Variants in JMJD4 observed in about 807,000 individuals in gnomAD.
JMJD4 encodes the protein jumonji domain containing 4.
JMJD4 carries 34 observed loss-of-function variants against 36.3 expected under a neutral mutation model. The ratio of observed to expected loss-of-function variants is 0.94; its 90% CI spans 0.71 to 1.25. The LOEUF is 1.25. JMJD4 is among the 50% of genes most tolerant of loss of function. JMJD4 has a pLI of 0.00. For missense variants in JMJD4, 584 were observed against 559.1 expected (o/e 1.04, Z -0.45); for synonymous variants, 269 against 235.3 (o/e 1.14, Z -1.31).
rs775852161 is a variant in JMJD4 at position 227,735,207 on chromosome 1, C to T, written c.67G>A (p.Val23Ile). The T allele has an allele frequency of 1.3e-6, 2 of 1,584,436 alleles. No individual in the cohort carries two copies. The highest frequency in any genetic ancestry group is 1.1e-5 in the South Asian group (1 of 87,344). The change falls in exon 1 of 6, where the codon GTC becomes ATC. Residue 23 changes from valine (V) to isoleucine (I), a missense_variant. Coordinates refer to ENST00000620518, the MANE Select transcript of JMJD4 (RefSeq NM_023007.3). ...FRGLGVDVPG[V>I]GQAPGRVAFV... ...GCTACCCGGCCCGGAGCCTGGCCGACGCCGGGGACATCGACCCCCAGGCCT... is the reference window on the plus strand; with the variant it reads ...GCTACCCGGCCCGGAGCCTGGCCGATGCCGGGGACATCGACCCCCAGGCCT...
chr1:227,732,100 A>G lies in JMJD4; in HGVS notation c.*292T>C. On this transcript the variant is annotated 3_prime_UTR_variant, in exon 6 of 6. Coordinates refer to ENST00000620518, the MANE Select transcript of JMJD4 (RefSeq NM_023007.3). ...ACCAGACACAGACTCCTGTCAGCTC[A>G]GGCGTCCTGGCCTAAGGAGGCAGGG... 2.0e-6 allele frequency: 1 copy of G among 512,472 alleles called. No homozygotes were observed. Among genetic ancestry groups the G allele is most frequent in the South Asian group, 2.3e-5 (1 of 44,122 alleles). 31.7% of individuals were successfully genotyped at this position (512,472 alleles called of 1,614,324 possible).
At position 227,732,550 on chromosome 1, in the gene JMJD4, C is replaced by A; in HGVS notation, c.1096G>T (p.Glu366Ter). The A allele has an allele frequency of 1.9e-6, 3 of 1,613,390 alleles. No homozygotes were observed. Among genetic ancestry groups the A allele is most frequent in the Non-Finnish European group, 2.5e-6 (3 of 1,180,016 alleles). Residue 366 changes from glutamate to a stop codon, truncating the protein, a stop_gained, in exon 6 of 6, where the codon GAA (glutamate) becomes TAA (stop). Transcript: ENST00000620518. LOFTEE classifies it low-confidence loss of function (END_TRUNC). ...CGCCCAACATCAAAGGCTGCCTGTTCGAAACCCAACCCAGCACCGTCCTCA... is the reference window on the plus strand; with the variant it reads ...CGCCCAACATCAAAGGCTGCCTGTTAGAAACCCAACCCAGCACCGTCCTCA... ...AAEDGAGLGF[E>*]QAAFDVGRIT...
chr1:227,734,076 CG>C, intron 2 of JMJD4, 44 bp from the exon 3 acceptor site: 1 of 1,596,912 alleles, frequency 6.3e-7, no homozygotes, highest in East Asian at 2.2e-5. Flanking sequence ...ACGTGAGGCA[CG>C]AGGAGACTAG....
Position 227,732,739 on chromosome 1 carries a change from C to T in JMJD4, c.970-63G>A, listed in dbSNP as rs544545668. On this transcript the variant is annotated intron_variant, in intron 5 of 5. Transcript: ENST00000620518. ...GACACAGTCCAAGCTGCAAAGGACC[C>T]GACATGCGCCCAGTCCCCAAGGACG... The T allele has an allele frequency of 2.8e-5, 44 of 1,595,832 alleles. No individual in the cohort carries two copies. In the East Asian group the frequency reaches 3.1e-4, roughly 11 times the overall value.
chr1:227,734,911 C>T lies in JMJD4; in HGVS notation c.263-95G>A, dbSNP rs772776803. ...ACTCTCCAGGGGCCACGCGCCTGGC[C>T]TCCCTCACCCTCCCTGGTGCCCCTC... On this transcript the variant is annotated intron_variant, in intron 1 of 5. Coordinates refer to ENST00000620518, the MANE Select transcript of JMJD4 (RefSeq NM_023007.3). The T allele has an allele frequency of 3.1e-4, 480 of 1,528,058 alleles. 1 individual carries two copies. The Middle Eastern group carries it at 4.5e-3, about 14-fold the overall frequency. 94.7% of individuals were successfully genotyped at this position (1,528,058 alleles called of 1,614,324 possible). A position where few individuals can be genotyped will look rare whatever the true frequency, so the allele number is the denominator to read the frequency against.
chr1:227,734,956 G>A (rs956398670), intron 1 of JMJD4, 56 bp downstream of exon 1: 235 of 1,498,826 alleles, frequency 1.6e-4, no homozygotes, highest in Non-Finnish European at 2.0e-4. Flanking sequence ...GGGCCTCCCG[G>A]GCCTGGGTCC....
At chr1:227,734,185 G>A in intron 2 of JMJD4, 153 bp from the exon 3 acceptor site, 3 of 836,622 alleles carry the variant, frequency 3.6e-6, no homozygotes, top group Middle Eastern at 3.7e-4. Context: ...TGAGCCAGAC[G>A]CTGCTGGCGG....
chr1:227,733,942 G>A lies in JMJD4; in HGVS notation c.519C>T (p.Asp173=), dbSNP rs758569837. The A allele has an allele frequency of 2.9e-5, 47 of 1,613,810 alleles. No homozygotes were observed. The highest frequency in any genetic ancestry group is 1.6e-4 in the Middle Eastern group (1 of 6,084). ...CAGGCCCCGCGTAGACAAAGCGGTAGTCATCCACATCCAGTGCATCCCAGA... is the reference window on the plus strand; with the variant it reads ...CAGGCCCCGCGTAGACAAAGCGGTAATCATCCACATCCAGTGCATCCCAGA... ...NEFWDALDVD[D]YRFVYAGPAG... is the part of the protein sequence containing the mutation. The change falls in exon 3 of 6, where the codon GAC becomes GAT. Residue 173 remains aspartate, a synonymous_variant. Coordinates refer to ENST00000620518, the MANE Select transcript of JMJD4 (RefSeq NM_023007.3).
Position 227,733,984 on chromosome 1 carries a change from G to A in JMJD4, c.477C>T (p.Ser159=), listed in dbSNP as rs928570981. 8 of 1,613,782 alleles carry A rather than the reference G, an allele frequency of 5.0e-6. No individual in the cohort carries two copies. Among genetic ancestry groups the A allele is most frequent in the African/African-American group, 2.7e-5 (2 of 74,934 alleles). ...DVFTLPVYFS[S]DWLNEFWDAL... is the part of the protein sequence containing the mutation. ...CATCCCAGAACTCATTCAGCCAGTC[G>A]GACGAGAAGTACACAGGCAGGGTGA... The change falls in exon 3 of 6, where the codon TCC becomes TCT. Residue 159 remains serine (S), a synonymous_variant. Coordinates refer to ENST00000620518, the MANE Select transcript of JMJD4 (RefSeq NM_023007.3).
rs544360095 is a variant in JMJD4, at chr1:227,732,879, A to G, written c.969+2T>C. The G allele has an allele frequency of 9.6e-5, 155 of 1,612,354 alleles. No homozygotes were observed. The highest frequency in any genetic ancestry group is 1.3e-4 in the Admixed American group (8 of 60,008). On this transcript the variant is annotated splice_donor_variant, in intron 5 of 5. Transcript: ENST00000620518. LOFTEE classifies it high-confidence loss of function. ...GGTAGCCTCCATGCGTAGCCACCCC[A>G]CCTGGCAGTGGTGGTGCCAGTCGGG...
Position 227,733,128 on chromosome 1 carries a change from T to G in JMJD4, c.823-101A>C, listed in dbSNP as rs542720060. 170 of 1,345,154 alleles carry G rather than the reference T, an allele frequency of 1.3e-4. No individual in the cohort carries two copies. In the African/African-American group the frequency reaches 2.2e-3, roughly 17 times the overall value. The allele number at this position is 1,345,154 out of a possible 1,614,324, so 83.3% of individuals were successfully genotyped here. On this transcript the variant is annotated intron_variant, in intron 4 of 5. Coordinates refer to ENST00000620518, the MANE Select transcript of JMJD4 (RefSeq NM_023007.3). ...GAACCCACTGTGGGGTCCAGCCCTC[T>G]GCAGCCAAGAGGGCCCTCCTGTCTC...
chr1:227,732,805 G>A (rs543036374), intron 5 of JMJD4, 76 bp downstream of exon 5: 20 of 1,596,100 alleles, frequency 1.3e-5, no homozygotes, highest in South Asian at 9.0e-5. Flanking sequence ...GAAGCTGCGC[G>A]GTGACCAAGG....
Position 227,735,072 on chromosome 1 carries a change from G to T in JMJD4, c.202C>A (p.Arg68=). 1 of 1,558,668 alleles carries T rather than the reference G, an allele frequency of 6.4e-7. No homozygotes were observed. The highest frequency in any genetic ancestry group is 8.7e-7 in the Non-Finnish European group (1 of 1,152,578). Residue 68 remains arginine, a synonymous_variant, in exon 1 of 6, where the codon CGG becomes AGG. Coordinates refer to ENST00000620518, the MANE Select transcript of JMJD4 (RefSeq NM_023007.3). ...CCCGCGGGCGTCACCCAGCGCCGCC[G>T]GCTGCCCCAGCCCTGCGTGAAGGCG... The part of the protein sequence containing the change: ...SSAFTQGWGS[R]RRWVTPAGRP...
intron 5 of JMJD4, 62 bp from the exon 6 acceptor site, chr1:227,732,738 C>T: frequency 6.3e-7 from 1 of 1,596,120 alleles, no homozygotes; most frequent in Non-Finnish European, 8.5e-7. Context: ...TGCAAAGGAC[C>T]CGACATGCGC....
Position 227,735,065 on chromosome 1 carries a change from C to T in JMJD4, c.209G>A (p.Arg70His), listed in dbSNP as rs1660989043. The T allele has an allele frequency of 6.4e-7, 1 of 1,559,426 alleles. No individual in the cohort carries two copies. Among genetic ancestry groups the T allele is most frequent in the Non-Finnish European group, 8.7e-7 (1 of 1,153,160 alleles). The change falls in exon 1 of 6, where the codon CGC becomes CAC. Residue 70 changes from arginine to histidine, a missense_variant. Coordinates refer to ENST00000620518, the MANE Select transcript of JMJD4 (RefSeq NM_023007.3). ...GGGCCTCCCCGCGGGCGTCACCCAG[C>T]GCCGCCGGCTGCCCCAGCCCTGCGT... ...AFTQGWGSRR[R>H]WVTPAGRPDF...
chr1:227,733,874 C>T, intron 3 of JMJD4, 33 bp downstream of exon 3: 1 of 1,611,700 alleles, frequency 6.2e-7, no homozygotes, highest in Non-Finnish European at 8.5e-7. Context: ...CACCAGGCCC[C>T]TTCGGGTTCC....
Position 227,733,617 on chromosome 1 carries a change from T to G in JMJD4, c.619A>C (p.Lys207Gln), listed in dbSNP as rs1442598895. ...TGCCCTGGGGGGAAGAGGAGCCACT[T>G]CTTCCTCCCACAGACATTGACAGAC... ...SWSVNVCGRK[K>Q]WLLFPPGQEE... The change falls in exon 4 of 6, where the codon AAG becomes CAG. Residue 207 changes from lysine to glutamine, a missense_variant. Lys to Gln is a moderately conservative substitution (Grantham distance 53). Transcript: ENST00000620518. The G allele has an allele frequency of 1.2e-6, 2 of 1,604,452 alleles. No homozygotes were observed. Among genetic ancestry groups the G allele is most frequent in the Non-Finnish European group, 1.7e-6 (2 of 1,178,676 alleles).
In JMJD4 at chr1:227,733,588, T is replaced by C. The variant is rs1353694310; in HGVS notation, c.648A>G (p.Glu216=). The change falls in exon 4 of 6, where the codon GAA becomes GAG. Residue 216 remains glutamate (E), a synonymous_variant. Transcript: ENST00000620518. ...KKWLLFPPGQ[E]EALRDRHGNL... is the part of the protein sequence containing the mutation. ...TGCCGTGGCGGTCCCGCAGGGCCTCTTCCTGCCCTGGGGGGAAGAGGAGCC... is the reference window on the plus strand; with the variant it reads ...TGCCGTGGCGGTCCCGCAGGGCCTCCTCCTGCCCTGGGGGGAAGAGGAGCC... The C allele has an allele frequency of 1.2e-6, 2 of 1,608,030 alleles. No individual in the cohort carries two copies. The highest frequency in any genetic ancestry group is 1.3e-5 in the African/African-American group (1 of 74,600).
rs763707047 is a variant in JMJD4 at position 227,731,466 on chromosome 1, C to G, written c.*926G>C. The G allele has an allele frequency of 1.3e-5, 2 of 152,324 alleles. No homozygotes were observed. The highest frequency in any genetic ancestry group is 2.9e-5 in the Non-Finnish European group (2 of 68,126). 9.4% of individuals were successfully genotyped at this position (152,324 alleles called of 1,614,324 possible). A position where few individuals can be genotyped will look rare whatever the true frequency, so the allele number is the denominator to read the frequency against. On this transcript the variant is annotated 3_prime_UTR_variant, in exon 6 of 6. Coordinates refer to ENST00000620518, the MANE Select transcript of JMJD4 (RefSeq NM_023007.3). The stretch of plus-strand genomic sequence containing the variant: ...GGGCCAACTGAAAAAATGCTGGACT[C>G]TCGGTCAAGGACAGGGCTGGGAGAG...
Sources: allele counts gnomAD v4.1 joint callset, GRCh38; gene constraint gnomAD v4.1.1; transcripts MANE v1.5; gene names NCBI Gene and HGNC (gene_info 2026-07-23, HGNC 2026-07-21).